The following AGPAT4 variants were observed in gnomAD, a reference collection of about 807,000 sequenced individuals.
AGPAT4 encodes 1-acyl-sn-glycerol-3-phosphate acyltransferase delta.
A neutral mutation model predicts 48.0 loss-of-function variants in AGPAT4; 15 were observed. The observed-to-expected ratio is 0.31, with a 90% CI of 0.21 to 0.48. The LOEUF is 0.48. Ranked by LOEUF, AGPAT4 falls within the 20% of genes least tolerant of loss-of-function variation. The probability of loss-of-function intolerance (pLI) is 0.99; values close to 1 mark genes in which losing one functional copy is unlikely to be tolerated. For synonymous variants in AGPAT4, 178 were observed against 198.7 expected (o/e 0.90, Z 0.88); for missense variants, 314 against 482.5 (o/e 0.65, Z 3.27).
At position 161,180,539 on chromosome 6, in the gene AGPAT4, T is replaced by G. The variant is rs1229834938; in HGVS notation, c.179-14122A>C. Among the ~76,000 whole-genome samples the G allele has an allele frequency of 6.6e-6, 1 of 152,232 alleles. No homozygotes were observed. The highest frequency in any genetic ancestry group is 1.5e-5 in the Non-Finnish European group (1 of 68,038). On this transcript the variant is annotated intron_variant, in intron 2 of 8. Coordinates refer to ENST00000320285, the MANE Select transcript of AGPAT4 (RefSeq NM_020133.3). The surrounding 1 kb of genome is among the most constrained non-coding windows in gnomAD (Gnocchi z 6.4). ...TATATAATTACATAGGTGATTGCTATGAAATATAACAAATATGTATAATTA... is the reference window on the plus strand; with the variant it reads ...TATATAATTACATAGGTGATTGCTAGGAAATATAACAAATATGTATAATTA...
At position 161,149,852 on chromosome 6, in the gene AGPAT4, T is replaced by C. The variant is rs568740503; in HGVS notation, c.665-563A>G. On this transcript the variant is annotated intron_variant, in intron 5 of 8. Coordinates refer to ENST00000320285, the MANE Select transcript of AGPAT4 (RefSeq NM_020133.3). The surrounding 1 kb of genome is among the most constrained non-coding windows in gnomAD (Gnocchi z 6.5). Reference sequence around the variant, plus strand: ...CCACTGTGCCCAGCCCAGATCACTTTTAAAGCAATACTGCAAAGTCAGGTC... The same window carrying C: ...CCACTGTGCCCAGCCCAGATCACTTCTAAAGCAATACTGCAAAGTCAGGTC... Among the ~76,000 whole-genome samples the C allele has an allele frequency of 2.1e-3, 321 of 152,264 alleles. 1 individual carries two copies. The highest frequency in any genetic ancestry group is 3.8e-3 in the Non-Finnish European group (257 of 68,016).
At chr6:161,168,130 GGT>G (rs200446669) in intron 2 of AGPAT4, among the ~76,000 whole-genome samples, 44 of 152,086 alleles carry the variant, frequency 2.9e-4, no homozygotes, top group African/African-American at 1.0e-3. Context: ...GCGGTGGTGG[GGT>G]GGGGGGCTAG....
At position 161,135,373 on chromosome 6, in the gene AGPAT4, T is replaced by G. The variant is rs1779033283; in HGVS notation, c.*1167A>C. The G allele has an allele frequency of 6.6e-6, 1 of 152,280 alleles. No individual in the cohort carries two copies. The highest frequency in any genetic ancestry group is 2.4e-5 in the African/African-American group (1 of 41,470). 9.4% of individuals were successfully genotyped at this position (152,280 alleles called of 1,614,324 possible). On this transcript the variant is annotated 3_prime_UTR_variant, in exon 9 of 9. Transcript: ENST00000320285. ...AAAAATAGCACTGCTTTTAGTTTCT[T>G]CTTCTTTTGCATTTTTGGCACCTGT...
rs1781733137 is a variant in AGPAT4 at position 161,219,142 on chromosome 6, A to G, written c.178+12894T>C. ...CCTTGCTTTAGAGCTTGTTTTCATA[A>G]AACTATTTCCCCCTTACTTTAAGTG... On this transcript the variant is annotated intron_variant, in intron 2 of 8. Transcript: ENST00000320285. The surrounding 1 kb of genome is among the most constrained non-coding windows in gnomAD (Gnocchi z 4.9). Among the ~76,000 whole-genome samples, 1 of 152,188 alleles carries G rather than the reference A, an allele frequency of 6.6e-6. No individual in the cohort carries two copies. The highest frequency in any genetic ancestry group is 1.5e-5 in the Non-Finnish European group (1 of 68,032).
chr6:161,225,779 G>A lies in AGPAT4; in HGVS notation c.178+6257C>T, dbSNP rs981899342. Among the ~76,000 whole-genome samples the A allele has an allele frequency of 6.6e-6, 1 of 152,316 alleles. No homozygotes were observed. Among genetic ancestry groups the A allele is most frequent in the African/African-American group, 2.4e-5 (1 of 41,572 alleles). ...AGGTGACAGAGGAAAAAGAGGAAAA[G>A]GTTGTCCCAACAGATAAACTCGTGG... On this transcript the variant is annotated intron_variant, in intron 2 of 8. Transcript: ENST00000320285. The surrounding 1 kb of genome is among the most constrained non-coding windows in gnomAD (Gnocchi z 5.0).
chr6:161,165,267 A>T lies in AGPAT4; in HGVS notation c.348+981T>A, dbSNP rs183394657. ...TCAAGTTAGCACTGGGAGAATAAAT[A>T]GGAAAACAAAAGGAGAAAACAGTGG... On this transcript the variant is annotated intron_variant, in intron 3 of 8. Coordinates refer to ENST00000320285, the MANE Select transcript of AGPAT4 (RefSeq NM_020133.3). This position sits in a 1 kb window ranked among gnomAD's most constrained non-coding sequence, Gnocchi z 5.5. 6.6e-6 allele frequency among the ~76,000 whole-genome samples: 1 copy of T among 152,334 alleles called. No individual in the cohort carries two copies. The highest frequency in any genetic ancestry group is 1.9e-4 in the East Asian group (1 of 5,186).
Position 161,246,400 on chromosome 6 carries a change from A to C in AGPAT4, c.-89-14098T>G, listed in dbSNP as rs1337677810. 6.6e-6 allele frequency among the ~76,000 whole-genome samples: 1 copy of C among 151,106 alleles called. No homozygotes were observed. The highest frequency in any genetic ancestry group is 1.5e-5 in the Non-Finnish European group (1 of 68,014). On this transcript the variant is annotated intron_variant, in intron 1 of 8. Coordinates refer to ENST00000320285, the MANE Select transcript of AGPAT4 (RefSeq NM_020133.3). This position sits in a 1 kb window ranked among gnomAD's most constrained non-coding sequence, Gnocchi z 5.5. ...AACATTGCATTAGACTTCTGAGCAT[A>C]GGCACAGGGGATTCTTTTTTTTTTT...
In AGPAT4 at chr6:161,232,448, T is replaced by C; in HGVS notation, c.-89-146A>G. ...TATCTTTATTTTGCAAACATTGATG[T>C]AGTGCTTACTTCCTGTCGAGCATAG... is the stretch of plus-strand genomic sequence containing the variant. On this transcript the variant is annotated intron_variant, in intron 1 of 8. Transcript: ENST00000320285. The surrounding 1 kb of genome is among the most constrained non-coding windows in gnomAD (Gnocchi z 6.8). 2.0e-6 allele frequency: 1 copy of C among 502,148 alleles called. No individual in the cohort carries two copies. The highest frequency in any genetic ancestry group is 3.4e-5 in the East Asian group (1 of 29,650). The allele number at this position is 502,148 out of a possible 1,614,324, so 31.1% of individuals were successfully genotyped here. A position where few individuals can be genotyped will look rare whatever the true frequency, so the allele number is the denominator to read the frequency against.
At chr6:161,230,901 A>G (rs1782106692) in intron 2 of AGPAT4, among the ~76,000 whole-genome samples, 1 of 152,184 alleles carries the variant, frequency 6.6e-6, no homozygotes, top group Admixed American at 6.5e-5. Flanking sequence ...GCAAGTTCTG[A>G]GTTGGTGAAA....
In AGPAT4 at chr6:161,180,480, C is replaced by A. The variant is rs565080259; in HGVS notation, c.179-14063G>T. Reference sequence around the variant, plus strand: ...GCACCATGTTACGTGGGGAAATGGCCTTATGATCATTAGCTCTAACCAACT... The same window carrying A: ...GCACCATGTTACGTGGGGAAATGGCATTATGATCATTAGCTCTAACCAACT... On this transcript the variant is annotated intron_variant, in intron 2 of 8. Coordinates refer to ENST00000320285, the MANE Select transcript of AGPAT4 (RefSeq NM_020133.3). This position sits in a 1 kb window ranked among gnomAD's most constrained non-coding sequence, Gnocchi z 6.4. Among the ~76,000 whole-genome samples, 7 of 152,158 alleles carry A rather than the reference C, an allele frequency of 4.6e-5. No homozygotes were observed. Among genetic ancestry groups the A allele is most frequent in the Non-Finnish European group, 8.8e-5 (6 of 68,038 alleles).
In AGPAT4 at chr6:161,171,190, G is replaced by A. The variant is rs1035126992; in HGVS notation, c.179-4773C>T. Among the ~76,000 whole-genome samples the A allele has an allele frequency of 6.6e-5, 10 of 152,190 alleles. No homozygotes were observed. The highest frequency in any genetic ancestry group is 2.1e-4 in the South Asian group (1 of 4,828). On this transcript the variant is annotated intron_variant, in intron 2 of 8. Coordinates refer to ENST00000320285, the MANE Select transcript of AGPAT4 (RefSeq NM_020133.3). This position sits in a 1 kb window ranked among gnomAD's most constrained non-coding sequence, Gnocchi z 4.4. ...TTCAGGTTGCAATCCTGTAACTAGC[G>A]TTACAATGCCAGGAGCCCTACGAGG...
intron 2 of AGPAT4, among the ~76,000 whole-genome samples, chr6:161,167,881 G>A (rs965501363): frequency 6.6e-6 from 1 of 152,214 alleles, no homozygotes; most frequent in Non-Finnish European, 1.5e-5. Context: ...TATGTGCTCA[G>A]CGTAGAGCAC....
intron 2 of AGPAT4, among the ~76,000 whole-genome samples, chr6:161,205,246 G>A (rs889344190): frequency 2.0e-4 from 31 of 152,198 alleles, no homozygotes; most frequent in Admixed American, 1.2e-3. Context: ...CTGACCAGAG[G>A]GCCTTGTGCC....
Position 161,134,557 on chromosome 6 carries a change from G to C in AGPAT4, c.*1983C>G, listed in dbSNP as rs986702252. The C allele has an allele frequency of 5.9e-5, 9 of 152,074 alleles. No individual in the cohort carries two copies. The highest frequency in any genetic ancestry group is 2.2e-4 in the African/African-American group (9 of 41,394). The allele number at this position is 152,074 out of a possible 1,614,324, so 9.4% of individuals were successfully genotyped here. On this transcript the variant is annotated 3_prime_UTR_variant, in exon 9 of 9. Transcript: ENST00000320285. ...TGACACACCCCAAGAGGTAGATATC[G>C]TCACCCCCATTTTGCAGATGGGGAA...
intron 2 of AGPAT4, among the ~76,000 whole-genome samples, chr6:161,207,782 G>C (rs751705062): frequency 5.3e-5 from 8 of 152,192 alleles, no homozygotes; most frequent in Non-Finnish European, 1.2e-4. Flanking sequence ...AATTCACTGA[G>C]AGCAAGATTC....
In AGPAT4 at chr6:161,136,825, A is replaced by G. The variant is rs539491850; in HGVS notation, c.1043-191T>C. Reference sequence around the variant, plus strand: ...GAGTGTGGACATCCATGTGACATTAAGACAAAGCAAGGCTGCTCTGGTGGG... The same window carrying G: ...GAGTGTGGACATCCATGTGACATTAGGACAAAGCAAGGCTGCTCTGGTGGG... On this transcript the variant is annotated intron_variant, in intron 8 of 8. Coordinates refer to ENST00000320285, the MANE Select transcript of AGPAT4 (RefSeq NM_020133.3). Among the ~76,000 whole-genome samples, 4 of 152,322 alleles carry G rather than the reference A, an allele frequency of 2.6e-5. No individual in the cohort carries two copies. In the East Asian group the frequency reaches 7.7e-4, roughly 29 times the overall value.
chr6:161,267,074 G>A lies in AGPAT4; in HGVS notation c.-90+6864C>T, dbSNP rs756234302. Among the ~76,000 whole-genome samples the A allele has an allele frequency of 2.6e-4, 39 of 152,244 alleles. No homozygotes were observed. Among genetic ancestry groups the A allele is most frequent in the Non-Finnish European group, 4.7e-4 (32 of 68,050 alleles). ...ACCCACCGCCTTGGGAACTCTGAGAGCAGCCACCACAGGTGTCCTTGAGAG... is the reference window on the plus strand; with the variant it reads ...ACCCACCGCCTTGGGAACTCTGAGAACAGCCACCACAGGTGTCCTTGAGAG... On this transcript the variant is annotated intron_variant, in intron 1 of 8. Transcript: ENST00000320285. The surrounding 1 kb of genome is among the most constrained non-coding windows in gnomAD (Gnocchi z 5.2).
intron 2 of AGPAT4, among the ~76,000 whole-genome samples, chr6:161,172,482 C>T (rs936612888): frequency 1.3e-5 from 2 of 152,122 alleles, no homozygotes; most frequent in African/African-American, 4.8e-5. Flanking sequence ...GCCAGGGGCA[C>T]CAAAGAAGCC....
rs1357868926 is a variant in AGPAT4, at chr6:161,195,960, C to A, written c.179-29543G>T. Among the ~76,000 whole-genome samples, 2 of 152,234 alleles carry A rather than the reference C, an allele frequency of 1.3e-5. No homozygotes were observed. Among genetic ancestry groups the A allele is most frequent in the East Asian group, 3.8e-4 (2 of 5,198 alleles). On this transcript the variant is annotated intron_variant, in intron 2 of 8. Coordinates refer to ENST00000320285, the MANE Select transcript of AGPAT4 (RefSeq NM_020133.3). The surrounding 1 kb of genome is among the most constrained non-coding windows in gnomAD (Gnocchi z 5.0). ...CCTGACATTGATCAGGCTCTCCCCACCGTGTGCAGAGGCAGCTCACACCCA... is the reference window on the plus strand; with the variant it reads ...CCTGACATTGATCAGGCTCTCCCCAACGTGTGCAGAGGCAGCTCACACCCA...
Sources: gnomAD v4.1 joint callset for allele counts (sites outside exome capture counted in the v4.1 genomes callset) on GRCh38, gnomAD v4.1.1 for gene constraint, Gnocchi (gnomAD v3.1) non-coding constraint, MANE v1.5 for transcripts, NCBI Gene and HGNC (gene_info 2026-07-23, HGNC 2026-07-21) for gene names.